DLGAP4: variants seen among roughly 807,000 people sequenced by gnomAD.
DLGAP4 encodes the protein disks large-associated protein 4.
In DLGAP4, 18 loss-of-function variants were observed where a neutral mutation model predicts 86.9. The ratio of observed to expected loss-of-function variants is 0.21; its 90% CI spans 0.14 to 0.31. The LOEUF (loss-of-function observed/expected upper bound fraction) is 0.31. Ranked by LOEUF, DLGAP4 falls within the 10% of genes least tolerant of loss-of-function variation. The pLI, the probability that DLGAP4 is intolerant of heterozygous loss-of-function variation, is 1.00. For missense variants in DLGAP4, 1,085 were observed against 1,362.6 expected, an observed-to-expected ratio of 0.80 and a Z score of 3.21; for synonymous variants, 548 against 574.3, an observed-to-expected ratio of 0.95 and a Z score of 0.65.
At chr20:36,347,925 C>G (rs961143698) in intron 1 of DLGAP4, among the ~76,000 whole-genome samples, 15 of 152,014 alleles carry the variant, frequency 9.9e-5, no homozygotes, top group African/African-American at 3.4e-4. Flanking sequence ...CACGATCATT[C>G]AGAACCTAGA....
At chr20:36,358,240 TG>T (rs1286822208) in intron 1 of DLGAP4, among the ~76,000 whole-genome samples, 2 of 152,218 alleles carry the variant, frequency 1.3e-5, no homozygotes, top group Admixed American at 1.3e-4. Flanking sequence ...AAATGCAAAC[TG>T]CAGTGCGGTG....
intron 1 of DLGAP4, among the ~76,000 whole-genome samples, chr20:36,358,785 G>A (rs988933009): frequency 4.6e-5 from 7 of 152,092 alleles, no homozygotes; most frequent in Non-Finnish European, 8.8e-5. Context: ...TCCAGCCTGG[G>A]CAACAGAGTG....
chr20:36,423,676 T>G (rs931538718), intron 2 of DLGAP4, among the ~76,000 whole-genome samples: 3 of 151,498 alleles, frequency 2.0e-5, no homozygotes, highest in Non-Finnish European at 2.9e-5. Context: ...AACCTTATTA[T>G]AATTTTTAAA....
chr20:36,348,081 G>A (rs373677326), intron 1 of DLGAP4, among the ~76,000 whole-genome samples: 6 of 152,078 alleles, frequency 3.9e-5, no homozygotes, highest in African/African-American at 1.4e-4. Flanking sequence ...CTTAGAAACT[G>A]CACCTATGAC....
intron 7 of DLGAP4, among the ~76,000 whole-genome samples, chr20:36,476,907 G>T (rs2034967318): frequency 6.6e-6 from 1 of 150,482 alleles, no homozygotes; most frequent in African/African-American, 2.4e-5. Context: ...TAGTCGGGGT[G>T]ATCTCAAACT....
chr20:36,375,354 T>C (rs778530620), intron 2 of DLGAP4, among the ~76,000 whole-genome samples: 9 of 152,250 alleles, frequency 5.9e-5, no homozygotes, highest in Non-Finnish European at 8.8e-5. Context: ...GTTTCTGATA[T>C]AGCAAAGTTA....
chr20:36,436,163 G>A lies in DLGAP4; in HGVS notation c.1054G>A (p.Asp352Asn), dbSNP rs199988815. 444 of 1,596,694 alleles carry A rather than the reference G, an allele frequency of 2.8e-4. No homozygotes were observed. The highest frequency in any genetic ancestry group is 3.4e-4 in the Non-Finnish European group (406 of 1,177,188). ...CACGCTGCTGTCCCCACGCGAGACG[G>A]ATGCCGCGGCCGAGGGCCCTATCCC... ...STTLLSPRET[D>N]AAAEGPIPCR... The change falls in exon 4 of 13, where the codon GAT (aspartate) becomes AAT (asparagine). Residue 352 changes from aspartate (D) to asparagine (N), a missense_variant. Around this residue, in one of 2 missense-constraint regions of DLGAP4, gnomAD observed 1,082 missense variants for 1,344.1 expected, o/e 0.81. Coordinates refer to ENST00000339266, the MANE Select transcript of DLGAP4 (RefSeq NM_001365621.2).
chr20:36,436,462 G>A, intron 4 of DLGAP4, 112 bp downstream of exon 4: 1 of 1,411,672 alleles, frequency 7.1e-7, no homozygotes. Context: ...CTGCGTGGGA[G>A]CCACGCCCCC....
intron 6 of DLGAP4, 40 bp downstream of exon 6, chr20:36,442,817 G>C (rs770971856): frequency 1.2e-6 from 2 of 1,613,476 alleles, no homozygotes; most frequent in Non-Finnish European, 1.7e-6. Flanking sequence ...CAATCCCAGA[G>C]TGTAGGCCTG....
At position 36,500,845 on chromosome 20, in the gene DLGAP4, G is replaced by A. The variant is rs1170571061; in HGVS notation, c.2512+234G>A. 2.0e-5 allele frequency among the ~76,000 whole-genome samples: 3 copies of A among 152,110 alleles called. No homozygotes were observed. The highest frequency in any genetic ancestry group is 6.6e-5 in the Admixed American group (1 of 15,266). On this transcript the variant is annotated intron_variant, in intron 10 of 12. Coordinates refer to ENST00000339266, the MANE Select transcript of DLGAP4 (RefSeq NM_001365621.2). This position sits in a 1 kb window ranked among gnomAD's most constrained non-coding sequence, Gnocchi z 4.6. ...TAGCTGTTTGTTGTGCAGGCTGTGA[G>A]GCCACCCACACCTGGGTTTGAATCC...
rs879494451 is a variant in DLGAP4 at position 36,512,204 on chromosome 20, C to T, written c.2512+11593C>T. On this transcript the variant is annotated intron_variant, in intron 10 of 12. Transcript: ENST00000339266. ...TAGCTGGGACTACAGGTGCCCACCACCTCGCCCAGCTAATTTTTTGTAATT... is the reference window on the plus strand; with the variant it reads ...TAGCTGGGACTACAGGTGCCCACCATCTCGCCCAGCTAATTTTTTGTAATT... 2.0e-5 allele frequency among the ~76,000 whole-genome samples: 3 copies of T among 151,670 alleles called. No homozygotes were observed. In the East Asian group the frequency reaches 5.9e-4, roughly 30 times the overall value.
At chr20:36,510,244 A>G (rs968228888) in intron 10 of DLGAP4, among the ~76,000 whole-genome samples, 1 of 152,004 alleles carries the variant, frequency 6.6e-6, no homozygotes. Flanking sequence ...CTATGTTAAT[A>G]CAACTATTTT....
chr20:36,519,921 G>T lies in DLGAP4; in HGVS notation c.2513-4329G>T, dbSNP rs1255031554. 2.6e-5 allele frequency among the ~76,000 whole-genome samples: 4 copies of T among 151,674 alleles called. No homozygotes were observed. The South Asian group carries it at 6.2e-4, about 24-fold the overall frequency. The stretch of plus-strand genomic sequence containing the variant: ...TCCTCCCACCTCAGCCTCCTGTGTA[G>T]CTGGGACTACAGGTGTGCACCACCA... On this transcript the variant is annotated intron_variant, in intron 10 of 12. Transcript: ENST00000339266.
At chr20:36,521,924 G>A (rs940377410) in intron 10 of DLGAP4, among the ~76,000 whole-genome samples, 22 of 152,274 alleles carry the variant, frequency 1.4e-4, no homozygotes, top group African/African-American at 4.1e-4. Flanking sequence ...TTAATGAGGT[G>A]AATTCTTTCT....
chr20:36,454,638 A>G (rs555412157), intron 7 of DLGAP4, among the ~76,000 whole-genome samples: 2 of 152,254 alleles, frequency 1.3e-5, no homozygotes, highest in African/African-American at 4.8e-5. Context: ...GGAGTGAGCA[A>G]TCGGGTCCTT....
rs1462136300 is a variant in DLGAP4, at chr20:36,393,354, C to G, written c.-73+26079C>G. Among the ~76,000 whole-genome samples the G allele has an allele frequency of 6.6e-6, 1 of 152,074 alleles. No homozygotes were observed. The highest frequency in any genetic ancestry group is 2.4e-5 in the African/African-American group (1 of 41,392). On this transcript the variant is annotated intron_variant, in intron 2 of 12. Coordinates refer to ENST00000339266, the MANE Select transcript of DLGAP4 (RefSeq NM_001365621.2). The surrounding 1 kb of genome is among the most constrained non-coding windows in gnomAD (Gnocchi z 4.4). ...AGCTCTACACTCCCTCGCTGTGTGG[C>G]CTAGGGTCTCCTCTTTGCTGGGCCT...
At chr20:36,342,461 A>G (rs1171602084) in intron 1 of DLGAP4, among the ~76,000 whole-genome samples, 1 of 152,072 alleles carries the variant, frequency 6.6e-6, no homozygotes, top group Non-Finnish European at 1.5e-5. Flanking sequence ...CCCAGCCTTG[A>G]AGGCCAGGCC....
At chr20:36,397,134 G>A (rs562747808) in intron 2 of DLGAP4, among the ~76,000 whole-genome samples, 4 of 152,158 alleles carry the variant, frequency 2.6e-5, no homozygotes, top group African/African-American at 7.2e-5. Flanking sequence ...TAACAGACAC[G>A]CCTGACCTTG....
chr20:36,407,108 G>A (rs1397468418), intron 2 of DLGAP4, among the ~76,000 whole-genome samples: 1 of 152,166 alleles, frequency 6.6e-6, no homozygotes, highest in East Asian at 1.9e-4. Context: ...GGGAGGTTGA[G>A]GTGGGAGGAT....
Sources: gnomAD v4.1 joint callset for allele counts (sites outside exome capture counted in the v4.1 genomes callset) on GRCh38, gnomAD v4.1.1 for gene constraint, gnomAD v4.1.1 regional missense constraint, Gnocchi (gnomAD v3.1) non-coding constraint, MANE v1.5 for transcripts, NCBI Gene and HGNC (gene_info 2026-07-23, HGNC 2026-07-21) for gene names.